Variants in INF2 observed in about 807,000 individuals in gnomAD.
INF2 encodes inverted formin 2, also known as inverted formin-2.
In INF2, 43 loss-of-function variants were observed where a neutral mutation model predicts 123.5. The ratio of observed to expected loss-of-function variants is 0.35; its 90% CI spans 0.27 to 0.45. INF2 has a LOEUF of 0.45. INF2 is among the 20% of genes least tolerant of loss of function. The probability of loss-of-function intolerance (pLI) is 1.00; values close to 1 mark genes in which losing one functional copy is unlikely to be tolerated. For missense variants in INF2, 1,453 were observed against 1,682.7 expected (o/e 0.86, Z 2.39); for synonymous variants, 851 against 745.0 (o/e 1.14, Z -2.32).
chr14:104,708,251 TGCCCTGGG>T, intron 8 of INF2, 177 bp from the exon 9 acceptor site: 1 of 889,386 alleles, frequency 1.1e-6, no homozygotes, highest in East Asian at 2.6e-5. Flanking sequence ...GGTGCCATGG[TGCCCTGGG>T]GCCCTGCTAC....
chr14:104,715,409 C>A, intron 22 of INF2, 69 bp downstream of exon 22: 1 of 1,395,644 alleles, frequency 7.2e-7, no homozygotes, highest in Non-Finnish European at 1.0e-6. Context: ...GAGCTTGCTG[C>A]CCACACCCCT....
upstream of INF2, chr14:104,689,231 C>A: frequency 1.0e-6 from 1 of 985,388 alleles, no homozygotes; most frequent in Non-Finnish European, 1.2e-6. Context: ...GAGTCCCGGG[C>A]CGGGGCAGAG....
Position 104,707,497 on chromosome 14 carries a change from GC to G in INF2, c.1233del (p.Arg412GlufsTer146). On this transcript the variant is annotated frameshift_variant, in exon 8 of 23. Transcript: ENST00000392634. LOFTEE classifies it high-confidence loss of function. Reference protein sequence around the residue: ...QSESILKVSQPRALEQQASTP... With the variant: ...QSESILKVSQXRALEQQASTP... Reference sequence around the variant, plus strand: ...GTGAGAGCATCCTGAAAGTTTCGCAGCCCAGAGCCCTGGAGCAGCAGGCGTC... The same window carrying G: ...GTGAGAGCATCCTGAAAGTTTCGCAGCCAGAGCCCTGGAGCAGCAGGCGTC... 6.5e-7 allele frequency: 1 copy of G among 1,548,626 alleles called. No homozygotes were observed. The highest frequency in any genetic ancestry group is 8.7e-7 in the Non-Finnish European group (1 of 1,146,804).
upstream of INF2, among the ~76,000 whole-genome samples, chr14:104,687,846 C>T (rs894543314): frequency 8.5e-5 from 13 of 152,210 alleles, no homozygotes; most frequent in Non-Finnish European, 1.9e-4. The surrounding 1 kb of genome is among the most constrained non-coding windows in gnomAD (Gnocchi z 5.6). Context: ...CAGGTCAAAG[C>T]TCACTCCCCA....
chr14:104,688,985 C>G (rs372606708), upstream of INF2, among the ~76,000 whole-genome samples: 24 of 152,372 alleles, frequency 1.6e-4, no homozygotes, highest in South Asian at 5.0e-3. Flanking sequence ...AAACCCACCC[C>G]ATTGCGACAC....
chr14:104,682,927 G>A (rs1329298348), intron 1 of INF2, among the ~76,000 whole-genome samples: 2 of 152,004 alleles, frequency 1.3e-5, no homozygotes, highest in Non-Finnish European at 2.9e-5. Flanking sequence ...TAGTGGCTGG[G>A]GCCTCCGCAA....
chr14:104,700,564 G>A (rs1043524543), intron 1 of INF2, among the ~76,000 whole-genome samples: 2 of 152,182 alleles, frequency 1.3e-5, no homozygotes, highest in African/African-American at 4.8e-5. Context: ...GGATGTGGTG[G>A]CGTGGAGCTG....
At chr14:104,694,159 G>A (rs182920104) in intron 1 of INF2, among the ~76,000 whole-genome samples, 42 of 152,358 alleles carry the variant, frequency 2.8e-4, no homozygotes, top group East Asian at 1.4e-3. Context: ...GCCATGGGCC[G>A]GACCCAGGAG....
In INF2 at chr14:104,702,395, G is replaced by A. The variant is rs557416668; in HGVS notation, c.391+639G>A. On this transcript the variant is annotated intron_variant, in intron 2 of 22. Coordinates refer to ENST00000392634, the MANE Select transcript of INF2 (RefSeq NM_022489.4). ...TGCGCCGCTAAGCCTTTAAGCCCCA[G>A]CTCACTTTCCTGTCCTCCAGGAAGT... 9.3e-5 allele frequency among the ~76,000 whole-genome samples: 14 copies of A among 150,610 alleles called. 1 individual carries two copies. In the South Asian group the frequency reaches 2.5e-3, roughly 27 times the overall value.
chr14:104,710,308 G>A (rs527998118), intron 13 of INF2, 120 bp downstream of exon 13: 2 of 718,436 alleles, frequency 2.8e-6, no homozygotes, highest in African/African-American at 1.7e-5. Context: ...GCACCTAAGG[G>A]TGCCAGCCTT....
rs1235529225 is a variant in INF2 at position 104,719,145 on chromosome 14, C to T, written c.*352C>T. ...CCTGCCAGTGTCCACCACAGCTCTG[C>T]CTGCCCTTCAGCCCAGCAAGGTTTA... is the stretch of plus-strand genomic sequence containing the variant. On this transcript the variant is annotated 3_prime_UTR_variant, in exon 23 of 23. Transcript: ENST00000392634. 2.3e-5 allele frequency: 9 copies of T among 384,616 alleles called. No individual in the cohort carries two copies. Among genetic ancestry groups the T allele is most frequent in the Non-Finnish European group, 3.3e-5 (7 of 214,670 alleles). The allele number at this position is 384,616 out of a possible 1,614,324, so 23.8% of individuals were successfully genotyped here. A position where few individuals can be genotyped will look rare whatever the true frequency, so the allele number is the denominator to read the frequency against.
In INF2 at chr14:104,703,399, C is replaced by T; in HGVS notation, c.612C>T (p.Val204=). ...CCCTGCTTAGCGTGATCAACGCCGT[C>T]ATCTTGGGCCCCGAGGACCTGCGCG... ...VVTLLSVINA[V]ILGPEDLRAR... is the part of the protein sequence containing the mutation. Residue 204 remains valine (V), a synonymous_variant, in exon 4 of 23, where the codon GTC becomes GTT. Transcript: ENST00000392634. 1 of 1,612,966 alleles carries T rather than the reference C, an allele frequency of 6.2e-7. No homozygotes were observed. Among genetic ancestry groups the T allele is most frequent in the Non-Finnish European group, 8.5e-7 (1 of 1,179,952 alleles).
intron 22 of INF2, among the ~76,000 whole-genome samples, chr14:104,718,005 C>T (rs1464433374): frequency 2.6e-5 from 4 of 152,256 alleles, no homozygotes; most frequent in Non-Finnish European, 5.9e-5. Context: ...AGCCCCTGTT[C>T]CTAGCTCACC....
Position 104,710,681 on chromosome 14 carries a change from C to T in INF2, c.2240-256C>T, listed in dbSNP as rs1890010215. The stretch of plus-strand genomic sequence containing the variant: ...GGAATCCATGGGGACCTGCCACAGC[C>T]ACTGGGCAGGGAGAGGGACAGGTAC... On this transcript the variant is annotated intron_variant, in intron 13 of 22. Coordinates refer to ENST00000392634, the MANE Select transcript of INF2 (RefSeq NM_022489.4). The T allele has an allele frequency of 7.1e-6, 4 of 567,096 alleles. No homozygotes were observed. In the East Asian group the frequency reaches 8.8e-5, roughly 13 times the overall value. 35.1% of individuals were successfully genotyped at this position (567,096 alleles called of 1,614,324 possible).
At chr14:104,712,377 C>T (rs910574331) in intron 16 of INF2, 56 bp from the exon 17 acceptor site, 4 of 1,607,510 alleles carry the variant, frequency 2.5e-6, no homozygotes, top group Non-Finnish European at 2.5e-6. Context: ...CTCCCCTGTC[C>T]CAGCGAGGCT....
chr14:104,718,971 C>T lies in INF2; in HGVS notation c.*178C>T. 2.2e-6 allele frequency: 3 copies of T among 1,392,994 alleles called. No homozygotes were observed. The highest frequency in any genetic ancestry group is 2.8e-6 in the Non-Finnish European group (3 of 1,067,142). The allele number at this position is 1,392,994 out of a possible 1,614,324, so 86.3% of individuals were successfully genotyped here. ...CTTCTTGGGGTGTTGTGGCTGGGAA[C>T]CCGACAGGCACCAGTGCCCTGCCAG... On this transcript the variant is annotated 3_prime_UTR_variant, in exon 23 of 23. Coordinates refer to ENST00000392634, the MANE Select transcript of INF2 (RefSeq NM_022489.4).
At chr14:104,696,996 G>C (rs1889221537) in intron 1 of INF2, among the ~76,000 whole-genome samples, 1 of 152,178 alleles carries the variant, frequency 6.6e-6, no homozygotes, top group East Asian at 1.9e-4. Context: ...CACTGCTTCA[G>C]GGTCCCCAGA....
At position 104,707,763 on chromosome 14, in the gene INF2, G is replaced by GCCCCC; in HGVS notation, c.1499_1500insCCCCC (p.Pro502ArgfsTer58). The GCCCCC allele has an allele frequency of 9.6e-7, 1 of 1,042,956 alleles. No individual in the cohort carries two copies. The highest frequency in any genetic ancestry group is 1.4e-5 in the South Asian group (1 of 73,258). The allele number at this position is 1,042,956 out of a possible 1,614,324, so 64.6% of individuals were successfully genotyped here. A position where few individuals can be genotyped will look rare whatever the true frequency, so the allele number is the denominator to read the frequency against. ...CCTCCACCACTCCCGGGCTTGGGAT[G>GCCCCC]CCCGCCCCCACCCCCACCCCTGCTG... On this transcript the variant is annotated frameshift_variant, in exon 8 of 23. Coordinates refer to ENST00000392634, the MANE Select transcript of INF2 (RefSeq NM_022489.4). LOFTEE classifies it high-confidence loss of function.
rs79826755 is a variant in INF2, at chr14:104,718,517, G to A, written c.*2-278G>A. 0.029 allele frequency among the ~76,000 whole-genome samples: 4,430 copies of A among 152,170 alleles called. 225 individuals carry two copies. Among genetic ancestry groups the A allele is most frequent in the African/African-American group, 0.1 (4,223 of 41,452 alleles). On this transcript the variant is annotated intron_variant, in intron 22 of 22. Transcript: ENST00000392634. ...GTCTCAGACAGGGGGTGGGGGACAG[G>A]CCACAGAGATTCCCTATCTCAGCAG...
Sources: allele counts gnomAD v4.1 joint callset (sites outside exome capture counted in the v4.1 genomes callset), GRCh38; gene constraint gnomAD v4.1.1; non-coding constraint Gnocchi (gnomAD v3.1); transcripts MANE v1.5; gene names NCBI Gene and HGNC (gene_info 2026-07-23, HGNC 2026-07-21).